The following TTC22 variants were observed in gnomAD, a reference collection of about 807,000 sequenced individuals.
TTC22 encodes the protein tetratricopeptide repeat domain 22, also known as tetratricopeptide repeat protein 22.
A neutral mutation model predicts 48.2 loss-of-function variants in TTC22; 42 were observed. The ratio of observed to expected loss-of-function variants is 0.87; its 90% CI spans 0.68 to 1.13. TTC22 has a LOEUF of 1.13. Ranked by LOEUF, TTC22 falls within the 50% of genes most tolerant of loss-of-function variation. The pLI, the probability that TTC22 is intolerant of heterozygous loss-of-function variation, is 0.00. For synonymous variants in TTC22, 345 were observed against 365.5 expected, an observed-to-expected ratio of 0.94 and a Z score of 0.64; for missense variants, 784 against 807.0, an observed-to-expected ratio of 0.97 and a Z score of 0.34.
chr1:54,785,538 G>T, intron 5 of TTC22: 1 of 452,914 alleles, frequency 2.2e-6, no homozygotes, highest in Non-Finnish European at 4.4e-6. Flanking sequence ...AGGGCTGGGT[G>T]TAGTGGCTCA....
rs771605784 is a variant in TTC22, at chr1:54,800,915, G to C, written c.249C>G (p.Asp83Glu). The C allele has an allele frequency of 1.9e-6, 3 of 1,609,632 alleles. No homozygotes were observed. Among genetic ancestry groups the C allele is most frequent in the Non-Finnish European group, 2.5e-6 (3 of 1,179,304 alleles). ...GAFAFYLEEL[D>E]EARECFLEVA... Reference sequence around the variant, plus strand: ...CCTCGAGGAAGCACTCGCGGGCCTCGTCCAGCTCCTCCAGGTAGAATGCGA... The same window carrying C: ...CCTCGAGGAAGCACTCGCGGGCCTCCTCCAGCTCCTCCAGGTAGAATGCGA... Residue 83 changes from aspartate (D) to glutamate (E), a missense_variant, in exon 1 of 7, where the codon GAC (aspartate) becomes GAG (glutamate). Transcript: ENST00000371276.
At chr1:54,788,928 C>T (rs1217609433) in intron 1 of TTC22, among the ~76,000 whole-genome samples, 2 of 152,316 alleles carry the variant, frequency 1.3e-5, no homozygotes, top group Middle Eastern at 3.4e-3. Context: ...CTGACCCAAA[C>T]GCACTCACAA....
chr1:54,785,784 G>A, intron 5 of TTC22, 199 bp downstream of exon 5: 2 of 568,714 alleles, frequency 3.5e-6, no homozygotes, highest in Non-Finnish European at 6.2e-6. Flanking sequence ...CCATACTCCA[G>A]TTGGGTGACA....
chr1:54,782,645 A>G (rs1357518530), intron 5 of TTC22, among the ~76,000 whole-genome samples, 168 bp from the exon 6 acceptor site: 1 of 152,178 alleles, frequency 6.6e-6, no homozygotes, highest in Non-Finnish European at 1.5e-5. Context: ...CTAGCCTTGG[A>G]CCAACTTGGG....
In TTC22 at chr1:54,786,056, C is replaced by T; in HGVS notation, c.947G>A (p.Gly316Glu). 1 of 1,614,022 alleles carries T rather than the reference C, an allele frequency of 6.2e-7. No homozygotes were observed. Among genetic ancestry groups the T allele is most frequent in the Non-Finnish European group, 8.5e-7 (1 of 1,179,920 alleles). Residue 316 changes from glycine to glutamate, a missense_variant, in exon 5 of 7, where the codon GGA becomes GAA. Coordinates refer to ENST00000371276, the MANE Select transcript of TTC22 (RefSeq NM_001114108.2). ...GACATCCAGGGCCATGTTGCAGGTT[C>T]CAATGGCCATATCCTGCTTTCCCAG... is the stretch of plus-strand genomic sequence containing the variant. Reference protein sequence around the residue: ...YFLGKQDMAIGTCNMALDVLR... With the variant: ...YFLGKQDMAIETCNMALDVLR...
chr1:54,788,438 C>A (rs1415298720), intron 1 of TTC22, among the ~76,000 whole-genome samples: 1 of 152,152 alleles, frequency 6.6e-6, no homozygotes, highest in South Asian at 2.1e-4. Context: ...CCACCGGCCT[C>A]CCGTTTGGTG....
rs1646248598 is a variant in TTC22 at position 54,779,783 on chromosome 1, G to A, written c.*1460C>T. On this transcript the variant is annotated 3_prime_UTR_variant, in exon 7 of 7. Transcript: ENST00000371276. ...GTGAAAGTTTGTGGTACAGTGTGGG[G>A]AAAACAGTAAGTGTGGCTTTGGGCA... The A allele has an allele frequency of 6.6e-6, 1 of 152,180 alleles. No individual in the cohort carries two copies. Among genetic ancestry groups the A allele is most frequent in the Non-Finnish European group, 1.5e-5 (1 of 68,040 alleles). 9.4% of individuals were successfully genotyped at this position (152,180 alleles called of 1,614,324 possible).
rs1646436267 is a variant in TTC22, at chr1:54,801,237, C to T, written c.-74G>A. Reference sequence around the variant, plus strand: ...GAGGGCAGTGGATGGGGGCGTTCCCCGAGCGAGCTCCGTGCGGGAGGCGAG... The same window carrying T: ...GAGGGCAGTGGATGGGGGCGTTCCCTGAGCGAGCTCCGTGCGGGAGGCGAG... On this transcript the variant is annotated 5_prime_UTR_variant, in exon 1 of 7. Transcript: ENST00000371276. The T allele has an allele frequency of 1.4e-6, 2 of 1,462,094 alleles. No individual in the cohort carries two copies. Among genetic ancestry groups the T allele is most frequent in the Admixed American group, 2.2e-5 (1 of 45,154 alleles). 90.6% of individuals were successfully genotyped at this position (1,462,094 alleles called of 1,614,324 possible).
intron 1 of TTC22, among the ~76,000 whole-genome samples, chr1:54,795,594 A>G (rs536194454): frequency 6.0e-4 from 91 of 152,254 alleles, no homozygotes; most frequent in African/African-American, 2.2e-3. Context: ...GGGTCTGCAG[A>G]AGTCTCTTAC....
intron 1 of TTC22, among the ~76,000 whole-genome samples, chr1:54,791,593 C>T (rs148619922): frequency 4.6e-5 from 7 of 152,204 alleles, no homozygotes; most frequent in Admixed American, 2.6e-4. Flanking sequence ...GATGAGGCAA[C>T]GTGGTCTTTG....
intron 1 of TTC22, among the ~76,000 whole-genome samples, chr1:54,796,154 G>A (rs1158499855): frequency 6.6e-6 from 1 of 152,248 alleles, no homozygotes; most frequent in Non-Finnish European, 1.5e-5. Flanking sequence ...ACTCAGAATT[G>A]TGGAGTCGTG....
rs944952795 is a variant in TTC22 at position 54,784,669 on chromosome 1, C to T, written c.1020+1314G>A. 5.3e-6 allele frequency: 6 copies of T among 1,137,610 alleles called. No homozygotes were observed. The South Asian group carries it at 5.5e-5, about 10-fold the overall frequency. The allele number at this position is 1,137,610 out of a possible 1,614,324, so 70.5% of individuals were successfully genotyped here. A position where few individuals can be genotyped will look rare whatever the true frequency, so the allele number is the denominator to read the frequency against. ...CAGTGAAGGAATTTCACTCCTGCCTCGTACCTGCTGGCAAAGTAATTAAGC... is the reference window on the plus strand; with the variant it reads ...CAGTGAAGGAATTTCACTCCTGCCTTGTACCTGCTGGCAAAGTAATTAAGC... On this transcript the variant is annotated intron_variant, in intron 5 of 6. Transcript: ENST00000371276.
In TTC22 at chr1:54,800,756, G is replaced by A; in HGVS notation, c.408C>T (p.Pro136=). 1 of 1,548,584 alleles carries A rather than the reference G, an allele frequency of 6.5e-7. No individual in the cohort carries two copies. Among genetic ancestry groups the A allele is most frequent in the Non-Finnish European group, 8.7e-7 (1 of 1,150,336 alleles). The change falls in exon 1 of 7, where the codon CCC becomes CCT. Residue 136 remains proline, a synonymous_variant. Transcript: ENST00000371276. ...GGAGCTGGGGGTCCCCGGCGGCCTCGGGCTCCTCTGCCAGGCCCATGAGGT... is the reference window on the plus strand; with the variant it reads ...GGAGCTGGGGGTCCCCGGCGGCCTCAGGCTCCTCTGCCAGGCCCATGAGGT... ...LADLMGLAEE[P]EAAGDPQLRA...
Position 54,796,295 on chromosome 1 carries a change from C to T in TTC22, c.567+4302G>A, listed in dbSNP as rs147353255. On this transcript the variant is annotated intron_variant, in intron 1 of 6. Coordinates refer to ENST00000371276, the MANE Select transcript of TTC22 (RefSeq NM_001114108.2). Reference sequence around the variant, plus strand: ...CCCGCCAGGTCCCCACCCCGCTGGGCGCAGTGATGGATTGGAATGCCCACA... The same window carrying T: ...CCCGCCAGGTCCCCACCCCGCTGGGTGCAGTGATGGATTGGAATGCCCACA... 5.3e-3 allele frequency among the ~76,000 whole-genome samples: 806 copies of T among 152,366 alleles called. 6 individuals carry two copies. Among genetic ancestry groups the T allele is most frequent in the African/African-American group, 0.018 (759 of 41,596 alleles).
At chr1:54,796,177 T>C (rs557839146) in intron 1 of TTC22, among the ~76,000 whole-genome samples, 1 of 152,010 alleles carries the variant, frequency 6.6e-6, no homozygotes. Context: ...TGTGTGCGCG[T>C]GTGTGTGTCT....
rs72671847 is a variant in TTC22, at chr1:54,800,927, C to T, written c.237G>A (p.Leu79=). The stretch of plus-strand genomic sequence containing the variant: ...ACTCGCGGGCCTCGTCCAGCTCCTC[C>T]AGGTAGAATGCGAAAGCGCCCAGGA... ...RHLLGAFAFY[L]EELDEARECF... The change falls in exon 1 of 7, where the codon CTG becomes CTA. Residue 79 remains leucine, a synonymous_variant. Transcript: ENST00000371276. 15,875 of 1,609,178 alleles carry T rather than the reference C, an allele frequency of 9.9e-3. 560 individuals are homozygous for T. The East Asian group carries it at 0.13, about 13-fold the overall frequency.
chr1:54,781,638 C>A lies in TTC22; in HGVS notation c.1315G>T (p.Gly439Cys). The change falls in exon 7 of 7, where the codon GGC becomes TGC. Residue 439 changes from glycine (G) to cysteine (C), a missense_variant. Physicochemically the swap from Gly to Cys is radical, Grantham distance 159 (BLOSUM62 -3). Coordinates refer to ENST00000371276, the MANE Select transcript of TTC22 (RefSeq NM_001114108.2). ...ATLPELQLLRGKCLRIKGEDA... is the reference protein window; with the variant it reads ...ATLPELQLLRCKCLRIKGEDA... ...TCGCCCTTGATGCGCAGGCACTTGC[C>A]GCGCAGCAGCTGCAGCTCGGGCAGC... 1 of 1,530,632 alleles carries A rather than the reference C, an allele frequency of 6.5e-7. No homozygotes were observed. Among genetic ancestry groups the A allele is most frequent in the Non-Finnish European group, 8.7e-7 (1 of 1,144,176 alleles). 94.8% of individuals were successfully genotyped at this position (1,530,632 alleles called of 1,614,324 possible). A position where few individuals can be genotyped will look rare whatever the true frequency, so the allele number is the denominator to read the frequency against.
Position 54,781,263 on chromosome 1 carries a change from G to C in TTC22, c.1690C>G (p.Arg564Gly). The change falls in exon 7 of 7, where the codon CGC becomes GGC. Residue 564 changes from arginine (R) to glycine (G), a missense_variant. By Grantham distance (125) the Arg-to-Gly change is moderately radical. Coordinates refer to ENST00000371276, the MANE Select transcript of TTC22 (RefSeq NM_001114108.2). The part of the protein sequence containing the change: ...EGEGASAPRD[R>G]RAVSF Reference sequence around the variant, plus strand: ...GAGCCCTAGAATGAGACAGCCCGGCGGTCCCGCGGCGCGCTGGCGCCCTCG... The same window carrying C: ...GAGCCCTAGAATGAGACAGCCCGGCCGTCCCGCGGCGCGCTGGCGCCCTCG... The C allele has an allele frequency of 1.4e-6, 2 of 1,475,794 alleles. No homozygotes were observed. The highest frequency in any genetic ancestry group is 1.8e-6 in the Non-Finnish European group (2 of 1,121,548). 91.4% of individuals were successfully genotyped at this position (1,475,794 alleles called of 1,614,324 possible). A position where few individuals can be genotyped will look rare whatever the true frequency, so the allele number is the denominator to read the frequency against.
chr1:54,790,203 C>A (rs553606889), intron 1 of TTC22, among the ~76,000 whole-genome samples: 1 of 152,308 alleles, frequency 6.6e-6, no homozygotes, highest in Admixed American at 6.5e-5. Context: ...CATAATGAGA[C>A]CCTGTCTACT....
Sources: gnomAD v4.1 joint callset for allele counts (sites outside exome capture counted in the v4.1 genomes callset) on GRCh38, gnomAD v4.1.1 for gene constraint, MANE v1.5 for transcripts, NCBI Gene and HGNC (gene_info 2026-07-23, HGNC 2026-07-21) for gene names.